KCNK9: variants seen among roughly 807,000 people sequenced by gnomAD.
The protein encoded by KCNK9 is potassium channel subfamily K member 9.
In KCNK9, 1 loss-of-function variant was observed where a neutral mutation model predicts 10.8. The observed-to-expected ratio is 0.09, with a 90% CI of 0.03 to 0.44. The LOEUF is 0.44. Ranked by LOEUF, KCNK9 falls within the 20% of genes least tolerant of loss-of-function variation. KCNK9 has a pLI of 0.97. For synonymous variants in KCNK9, 231 were observed against 222.7 expected (o/e 1.04, Z -0.33); for missense variants, 303 against 515.0 (o/e 0.59, Z 3.98).
chr8:139,701,379 A>T (rs1817214577), intron 1 of KCNK9, among the ~76,000 whole-genome samples: 1 of 152,232 alleles, frequency 6.6e-6, no homozygotes, highest in Non-Finnish European at 1.5e-5. Context: ...TTCAACCAAG[A>T]AGGAAAGACA....
At chr8:139,629,099 C>T (rs1040571150) in intron 1 of KCNK9, among the ~76,000 whole-genome samples, 6 of 152,222 alleles carry the variant, frequency 3.9e-5, no homozygotes, top group Non-Finnish European at 5.9e-5. Flanking sequence ...AGGACCCAGC[C>T]GAGATTAAAT....
Position 139,662,696 on chromosome 8 carries a change from G to A in KCNK9, c.283+40014C>T, listed in dbSNP as rs536546108. ...GGTCTAGCCAGGGTGGGCAGCCACA[G>A]CCATTTTCAACCCAACTCCATATTT... On this transcript the variant is annotated intron_variant, in intron 1 of 1. Coordinates refer to ENST00000520439, the MANE Select transcript of KCNK9 (RefSeq NM_001282534.2). Among the ~76,000 whole-genome samples, 8 of 152,166 alleles carry A rather than the reference G, an allele frequency of 5.3e-5. No individual in the cohort carries two copies. The South Asian group carries it at 1.7e-3, about 32-fold the overall frequency.
chr8:139,700,193 G>A (rs925423766), intron 1 of KCNK9, among the ~76,000 whole-genome samples: 12 of 152,216 alleles, frequency 7.9e-5, no homozygotes, highest in Non-Finnish European at 2.9e-5. Flanking sequence ...ATCAGGCTTC[G>A]TCCAAGAGCG....
intron 1 of KCNK9, among the ~76,000 whole-genome samples, chr8:139,695,095 A>G (rs1393145237): frequency 6.6e-6 from 1 of 152,190 alleles, no homozygotes; most frequent in Non-Finnish European, 1.5e-5. Context: ...CCTAGCACAT[A>G]ATTCTACTTT....
chr8:139,698,298 T>C (rs1281846658), intron 1 of KCNK9, among the ~76,000 whole-genome samples: 1 of 152,168 alleles, frequency 6.6e-6, no homozygotes, highest in Non-Finnish European at 1.5e-5. Flanking sequence ...CTTGGTGCTG[T>C]ATTCTGCAGC....
chr8:139,603,491 A>G (rs1403444304), intron 2 of KCNK9, among the ~76,000 whole-genome samples: 1 of 152,208 alleles, frequency 6.6e-6, no homozygotes, highest in Non-Finnish European at 1.5e-5. Flanking sequence ...GAGTCAGTAC[A>G]TAAAGTCCAA....
At chr8:139,648,714 G>A (rs1008748167) in intron 1 of KCNK9, among the ~76,000 whole-genome samples, 23 of 152,328 alleles carry the variant, frequency 1.5e-4, no homozygotes, top group Admixed American at 1.4e-3. Context: ...GTAAGGACGC[G>A]GCCCCTGCCC....
intron 1 of KCNK9, among the ~76,000 whole-genome samples, chr8:139,648,689 C>T (rs1815764694): frequency 6.6e-6 from 1 of 152,238 alleles, no homozygotes; most frequent in Admixed American, 6.5e-5. Flanking sequence ...AAATTCTTCC[C>T]CAGCTGACAG....
chr8:139,671,564 G>A (rs1195286542), intron 1 of KCNK9, among the ~76,000 whole-genome samples: 1 of 148,574 alleles, frequency 6.7e-6, no homozygotes, highest in African/African-American at 2.5e-5. Context: ...AGGCTAGAGT[G>A]CAGTAGCACA....
At chr8:139,607,200 C>T (rs1193984586) in intron 2 of KCNK9, among the ~76,000 whole-genome samples, 2 of 152,170 alleles carry the variant, frequency 1.3e-5, no homozygotes, top group Non-Finnish European at 2.9e-5. Context: ...GAAAGTAAAA[C>T]AGTTGCCCAG....
intron 2 of KCNK9, among the ~76,000 whole-genome samples, chr8:139,603,515 G>C (rs556259638): frequency 6.6e-6 from 1 of 152,202 alleles, no homozygotes; most frequent in South Asian, 2.1e-4. Context: ...AGATGGTTTC[G>C]TATTTTAAGG....
At chr8:139,601,828 T>A (rs1817377308) in intron 2 of KCNK9, among the ~76,000 whole-genome samples, 1 of 152,184 alleles carries the variant, frequency 6.6e-6, no homozygotes. Context: ...TGTCAGCCAG[T>A]CATTAACTCA....
At chr8:139,643,073 C>A (rs985827454) in intron 1 of KCNK9, among the ~76,000 whole-genome samples, 1 of 152,152 alleles carries the variant, frequency 6.6e-6, no homozygotes, top group East Asian at 1.9e-4. Flanking sequence ...CCCTGCCTGA[C>A]CCCCTTGGCC....
At chr8:139,608,654 G>A (rs1168445211), downstream of KCNK9, among the ~76,000 whole-genome samples, 5 of 152,136 alleles carry the variant, frequency 3.3e-5, no homozygotes, top group African/African-American at 4.8e-5. Context: ...GTGTACCTGC[G>A]CCCTCCAGCC....
At chr8:139,680,939 C>A (rs1224796420) in intron 1 of KCNK9, among the ~76,000 whole-genome samples, 2 of 152,186 alleles carry the variant, frequency 1.3e-5, no homozygotes, top group Non-Finnish European at 2.9e-5. Flanking sequence ...AGCCTCCTAT[C>A]AGCCCCTCTC....
chr8:139,631,093 G>A (rs929018926), intron 1 of KCNK9, among the ~76,000 whole-genome samples: 6 of 152,230 alleles, frequency 3.9e-5, no homozygotes, highest in Non-Finnish European at 7.3e-5. Context: ...CCCCGGGTGC[G>A]GGGTCGGCCG....
At chr8:139,700,519 C>T (rs533866680) in intron 1 of KCNK9, among the ~76,000 whole-genome samples, 5 of 137,888 alleles carry the variant, frequency 3.6e-5, no homozygotes, top group African/African-American at 9.5e-5. Context: ...CGCGCGCGCG[C>T]GCACACACAC....
At chr8:139,635,489 C>T (rs1298157350) in intron 1 of KCNK9, among the ~76,000 whole-genome samples, 2 of 152,176 alleles carry the variant, frequency 1.3e-5, no homozygotes, top group East Asian at 3.9e-4. Context: ...CCTGGTGAGC[C>T]CACCTCATGT....
At chr8:139,641,406 G>A (rs1815501324) in intron 1 of KCNK9, among the ~76,000 whole-genome samples, 2 of 152,292 alleles carry the variant, frequency 1.3e-5, no homozygotes, top group Admixed American at 6.5e-5. Flanking sequence ...AGACAATCAA[G>A]CCAGCACAGA....
Sources: gnomAD v4.1 joint callset for allele counts (sites outside exome capture counted in the v4.1 genomes callset) on GRCh38, gnomAD v4.1.1 for gene constraint, MANE v1.5 for transcripts, NCBI Gene and HGNC (gene_info 2026-07-23, HGNC 2026-07-21) for gene names.